ABCC11: variants seen among roughly 807,000 people sequenced by gnomAD.
ABCC11 encodes the protein ATP binding cassette subfamily C member 11.
A neutral mutation model predicts 149.3 loss-of-function variants in ABCC11; 135 were observed. The observed-to-expected ratio is 0.90, with a 90% CI of 0.79 to 1.04. The LOEUF is 1.04. Among genes scored for constraint, ABCC11 ranks in the 50% least tolerant of loss-of-function variants. The pLI is 0.00. For synonymous variants in ABCC11, 665 were observed against 671.4 expected, an observed-to-expected ratio of 0.99 and a Z score of 0.15; for missense variants, 1,680 against 1,722.1, an observed-to-expected ratio of 0.98 and a Z score of 0.43.
intron 26 of ABCC11, 70 bp downstream of exon 26, chr16:48,175,188 G>GGTGCTGGT: frequency 6.5e-7 from 1 of 1,550,022 alleles, no homozygotes; most frequent in Non-Finnish European, 8.8e-7. Context: ...GCTCACTATA[G>GGTGCTGGT]GCAGCCCGGT....
At chr16:48,230,619 T>C in intron 2 of ABCC11, 46 bp from the exon 3 acceptor site, 1 of 1,490,050 alleles carries the variant, frequency 6.7e-7, no homozygotes, top group East Asian at 2.4e-5. Context: ...ATCTCGTAAA[T>C]TCTGTCCTGA....
chr16:48,185,304 C>G (rs1268811153), intron 22 of ABCC11, among the ~76,000 whole-genome samples: 1 of 152,144 alleles, frequency 6.6e-6, no homozygotes, highest in East Asian at 1.9e-4. Flanking sequence ...TCTGTATACC[C>G]TCTACCTAAT....
At chr16:48,243,709 G>A (rs1971141110) in intron 1 of ABCC11, among the ~76,000 whole-genome samples, 1 of 151,994 alleles carries the variant, frequency 6.6e-6, no homozygotes, top group Non-Finnish European at 1.5e-5. Flanking sequence ...AAATCAATTC[G>A]GGCCGGGCAC....
chr16:48,202,589 TGACA>T (rs569250758), intron 14 of ABCC11, among the ~76,000 whole-genome samples: 2 of 148,034 alleles, frequency 1.4e-5, no homozygotes, highest in African/African-American at 2.5e-5. Context: ...CCAGCCTGGG[TGACA>T]GACAGAGAAC....
chr16:48,209,466 C>G (rs1450580254), intron 11 of ABCC11: 1 of 152,300 alleles, frequency 6.6e-6, no homozygotes, highest in African/African-American at 2.4e-5. Flanking sequence ...GAGTGTGCAA[C>G]CTGGATCCCT....
Position 48,167,146 on chromosome 16 carries a change from C to A in ABCC11, c.*128G>T. On this transcript the variant is annotated 3_prime_UTR_variant, in exon 30 of 30. Coordinates refer to ENST00000356608, the MANE Select transcript of ABCC11 (RefSeq NM_001370497.1). ...CATCCAGCAATCCCCACCCCCCCTA[C>A]ATTTACCCCTGCTTCCAGGAGAAGT... 7.7e-6 allele frequency: 4 copies of A among 518,126 alleles called. No individual in the cohort carries two copies. The highest frequency in any genetic ancestry group is 1.5e-5 in the Non-Finnish European group (4 of 267,396). The allele number at this position is 518,126 out of a possible 1,614,324, so 32.1% of individuals were successfully genotyped here.
chr16:48,222,789 A>G lies in ABCC11; in HGVS notation c.586T>C (p.Leu196=), dbSNP rs1452391235. 6.2e-7 allele frequency: 1 copy of G among 1,614,154 alleles called. No individual in the cohort carries two copies. Among genetic ancestry groups the G allele is most frequent in the South Asian group, 1.1e-5 (1 of 91,076 alleles). The part of the protein sequence containing the change: ...PKILEYSEEQ[L]GNVVHGVGLC... ...CCCACTCCATGGACAACATTCCCCA[A>G]CTGCTCTTCTGAATATTCCAGGATC... Residue 196 remains leucine, a synonymous_variant, in exon 6 of 30, where the codon TTG becomes CTG. Coordinates refer to ENST00000356608, the MANE Select transcript of ABCC11 (RefSeq NM_001370497.1).
At chr16:48,232,713 A>T (rs1199924955) in intron 1 of ABCC11, among the ~76,000 whole-genome samples, 1 of 152,232 alleles carries the variant, frequency 6.6e-6, no homozygotes, top group Admixed American at 6.5e-5. Context: ...CAGGGCCATG[A>T]GGGTGCAGCC....
intron 20 of ABCC11, 110 bp from the exon 21 acceptor site, chr16:48,187,537 C>A: frequency 4.5e-6 from 4 of 898,094 alleles, no homozygotes; most frequent in Non-Finnish European, 6.9e-6. Flanking sequence ...TCCCAGGGGT[C>A]TCCAGGGCAG....
rs58711762 is a variant in ABCC11 at position 48,211,681 on chromosome 16, T to TA, written c.1357-483dup. ...GACCATAGTGAGACTTCCATCTCTT[T>TA]AAAAAAAAAAAAATCTACTTGTAGC... On this transcript the variant is annotated intron_variant, in intron 10 of 29. Transcript: ENST00000356608. 1.7e-3 allele frequency among the ~76,000 whole-genome samples: 241 copies of TA among 145,720 alleles called. No homozygotes were observed. In the Middle Eastern group the frequency reaches 0.022, roughly 13 times the overall value.
At position 48,192,509 on chromosome 16, in the gene ABCC11, C is replaced by G; in HGVS notation, c.2706+11G>C. 1.2e-6 allele frequency: 2 copies of G among 1,614,038 alleles called. No homozygotes were observed. The highest frequency in any genetic ancestry group is 2.2e-5 in the South Asian group (2 of 91,072). ...TCAGCCTTCGGCCCCACCCAGCACC[C>G]AGGCCCATACCTTGTTGAAGAGCTT... is the stretch of plus-strand genomic sequence containing the variant. On this transcript the variant is annotated intron_variant, in intron 20 of 29. Transcript: ENST00000356608.
rs1047874760 is a variant in ABCC11 at position 48,215,562 on chromosome 16, C to T, written c.952-218G>A. Reference sequence around the variant, plus strand: ...ATGGCTACTTAGACAGAAACTAAACCGAAATGGTTCCTCTGTCTTCTGGAA... The same window carrying T: ...ATGGCTACTTAGACAGAAACTAAACTGAAATGGTTCCTCTGTCTTCTGGAA... On this transcript the variant is annotated intron_variant, in intron 7 of 29. Transcript: ENST00000356608. 7.2e-5 allele frequency among the ~76,000 whole-genome samples: 11 copies of T among 152,148 alleles called. No homozygotes were observed. In the East Asian group the frequency reaches 1.2e-3, roughly 16 times the overall value.
chr16:48,194,053 G>A (rs772210572), intron 18 of ABCC11, 71 bp from the exon 19 acceptor site: 24 of 1,124,660 alleles, frequency 2.1e-5, no homozygotes, highest in Non-Finnish European at 2.7e-5. Context: ...TCAGCTGCTC[G>A]GCCATCTCTG....
rs1401388568 is a variant in ABCC11, at chr16:48,187,370, A to G, written c.2764T>C (p.Cys922Arg). ...AGCTGTTCCAAGTCCCCTGCGAAGC[A>G]GTTCAAAAGCCGGCCTATTGGGATG... Reference protein sequence around the residue: ...DTIPIGRLLNCFAGDLEQLDQ... With the variant: ...DTIPIGRLLNRFAGDLEQLDQ... Residue 922 changes from cysteine to arginine, a missense_variant, in exon 21 of 30, where the codon TGC becomes CGC. Physicochemically the swap from Cys to Arg is radical, Grantham distance 180 (BLOSUM62 -3). Coordinates refer to ENST00000356608, the MANE Select transcript of ABCC11 (RefSeq NM_001370497.1). 1 of 1,614,200 alleles carries G rather than the reference A, an allele frequency of 6.2e-7. No homozygotes were observed. The highest frequency in any genetic ancestry group is 2.2e-5 in the East Asian group (1 of 44,882).
Position 48,167,323 on chromosome 16 carries a change from C to T in ABCC11, c.4100G>A (p.Gly1367Glu), listed in dbSNP as rs551453524. 4 of 995,740 alleles carry T rather than the reference C, an allele frequency of 4.0e-6. No homozygotes were observed. In the Admixed American group the frequency reaches 5.1e-5, roughly 13 times the overall value. The allele number at this position is 995,740 out of a possible 1,614,324, so 61.7% of individuals were successfully genotyped here. ...DRPEVLRKKP[G>E]SLFAALMATA... ...GGCCATGAGGGCTGCGAACAATGAC[C>T]CAGGCTTCTTCCGCAGTACCTCCGG... The change falls in exon 30 of 30, where the codon GGG becomes GAG. Residue 1367 changes from glycine (G) to glutamate (E), a missense_variant. Physicochemically the swap from Gly to Glu is moderately conservative, Grantham distance 98 (BLOSUM62 -2). Transcript: ENST00000356608.
intron 11 of ABCC11, chr16:48,210,628 G>C: frequency 3.1e-6 from 1 of 322,182 alleles, no homozygotes; most frequent in East Asian, 5.6e-5. Flanking sequence ...GCACATACGA[G>C]GAATGTAATA....
intron 23 of ABCC11, among the ~76,000 whole-genome samples, chr16:48,183,695 G>A (rs1966584746): frequency 6.6e-6 from 1 of 152,224 alleles, no homozygotes; most frequent in Non-Finnish European, 1.5e-5. Context: ...CCCAGGAGGT[G>A]GAGATTGCAG....
chr16:48,227,931 G>A lies in ABCC11; in HGVS notation c.270C>T (p.Gly90=), dbSNP rs1476514245. 1 of 1,613,928 alleles carries A rather than the reference G, an allele frequency of 6.2e-7. No homozygotes were observed. Among genetic ancestry groups the A allele is most frequent in the East Asian group, 2.2e-5 (1 of 44,854 alleles). ...ATGACACGGTGAGGTAGGAGAACAGGCCAGCATTGTCCAGGGGCTGGGGGG... is the reference window on the plus strand; with the variant it reads ...ATGACACGGTGAGGTAGGAGAACAGACCAGCATTGTCCAGGGGCTGGGGGG... ...FPAPQPLDNA[G]LFSYLTVSWL... Residue 90 remains glycine, a synonymous_variant, in exon 4 of 30, where the codon GGC becomes GGT. Transcript: ENST00000356608.
chr16:48,190,150 G>A (rs935219275), intron 20 of ABCC11, among the ~76,000 whole-genome samples: 6 of 152,124 alleles, frequency 3.9e-5, no homozygotes, highest in South Asian at 2.1e-4. Context: ...GCTCCATCCC[G>A]TGATAAACTT....
Sources: allele counts gnomAD v4.1 joint callset (sites outside exome capture counted in the v4.1 genomes callset), GRCh38; gene constraint gnomAD v4.1.1; transcripts MANE v1.5; gene names NCBI Gene and HGNC (gene_info 2026-07-23, HGNC 2026-07-21).